The following CDYL variants were observed in gnomAD, a reference collection of about 807,000 sequenced individuals.
CDYL encodes chromodomain Y like, also known as chromodomain Y-like protein.
Under a neutral mutation model 47.3 loss-of-function variants are expected in CDYL, and 8 were observed. That is an observed-to-expected ratio of 0.17 (90% confidence interval 0.10 to 0.31). The LOEUF (loss-of-function observed/expected upper bound fraction) is 0.31. CDYL is among the 10% of genes least tolerant of loss of function. The probability of loss-of-function intolerance (pLI) is 1.00; values close to 1 mark genes in which losing one functional copy is unlikely to be tolerated. For synonymous variants in CDYL, 266 were observed against 265.0 expected, an observed-to-expected ratio of 1.00 and a Z score of -0.04; for missense variants, 471 against 701.4, an observed-to-expected ratio of 0.67 and a Z score of 3.71.
At chr6:4,822,523 A>G (rs968898493) in intron 1 of CDYL, among the ~76,000 whole-genome samples, 2 of 152,092 alleles carry the variant, frequency 1.3e-5, no homozygotes, top group African/African-American at 4.8e-5. Flanking sequence ...CTATTTTACC[A>G]TTTTCTTTAT....
At chr6:4,712,842 C>T (rs956525961) in intron 1 of CDYL, among the ~76,000 whole-genome samples, 1 of 152,198 alleles carries the variant, frequency 6.6e-6, no homozygotes, top group African/African-American at 2.4e-5. Flanking sequence ...CTTCACTCTG[C>T]CATTTACCAA....
chr6:4,803,350 C>G (rs2127440376), intron 1 of CDYL, among the ~76,000 whole-genome samples: 1 of 152,302 alleles, frequency 6.6e-6, no homozygotes, highest in Non-Finnish European at 1.5e-5. Flanking sequence ...TCATCCCTTT[C>G]CAGTCACTTA....
At chr6:4,802,252 A>G (rs960266033) in intron 1 of CDYL, among the ~76,000 whole-genome samples, 15 of 150,534 alleles carry the variant, frequency 1.0e-4, no homozygotes, top group Non-Finnish European at 1.9e-4. Context: ...AAAAATCACT[A>G]ATTAGCTTGG....
intron 3 of CDYL, among the ~76,000 whole-genome samples, chr6:4,758,035 A>G (rs1758102850): frequency 6.6e-6 from 1 of 152,088 alleles, no homozygotes; most frequent in African/African-American, 2.4e-5. Context: ...AACAAAATTA[A>G]CTTTTATTAA....
intron 1 of CDYL, among the ~76,000 whole-genome samples, chr6:4,793,970 G>A (rs946399904): frequency 6.6e-6 from 1 of 152,080 alleles, no homozygotes; most frequent in Non-Finnish European, 1.5e-5. Flanking sequence ...TAGATGTGTC[G>A]AGTTTGAGAT....
At chr6:4,714,932 T>A (rs1191498636) in intron 1 of CDYL, 1 of 152,138 alleles carries the variant, frequency 6.6e-6, no homozygotes, top group Non-Finnish European at 1.5e-5. Flanking sequence ...GTTATAATAG[T>A]TTTAAATTTA....
intron 1 of CDYL, among the ~76,000 whole-genome samples, chr6:4,835,371 G>A (rs1294985129): frequency 2.0e-5 from 3 of 152,200 alleles, no homozygotes; most frequent in Non-Finnish European, 2.9e-5. Flanking sequence ...CAGCAGTGGT[G>A]TCTGCAGAAC....
intron 3 of CDYL, among the ~76,000 whole-genome samples, chr6:4,761,429 C>T (rs1347817387): frequency 6.6e-6 from 1 of 152,182 alleles, no homozygotes; most frequent in African/African-American, 2.4e-5. Context: ...CTGCAAACTC[C>T]ACCTCCCGGG....
At chr6:4,875,848 A>G (rs1013042750) in intron 1 of CDYL, among the ~76,000 whole-genome samples, 2 of 152,208 alleles carry the variant, frequency 1.3e-5, no homozygotes, top group Admixed American at 6.5e-5. Context: ...CCATCAGTCC[A>G]TCTTATTTTT....
At chr6:4,950,760 C>T (rs899666395) in intron 5 of CDYL, among the ~76,000 whole-genome samples, 1 of 151,926 alleles carries the variant, frequency 6.6e-6, no homozygotes, top group African/African-American at 2.4e-5. Context: ...AACCCCGTCT[C>T]TACCAAAAAA....
At chr6:4,711,579 T>C (rs183981265) in intron 1 of CDYL, among the ~76,000 whole-genome samples, 10 of 152,284 alleles carry the variant, frequency 6.6e-5, no homozygotes, top group African/African-American at 2.2e-4. Flanking sequence ...GGGGTTTTTT[T>C]CTGAAAGTCC....
intron 1 of CDYL, among the ~76,000 whole-genome samples, chr6:4,777,773 C>T (rs1258212984): frequency 6.6e-6 from 1 of 152,184 alleles, no homozygotes; most frequent in African/African-American, 2.4e-5. Flanking sequence ...TTTCAGTTGT[C>T]TTCTCTTATG....
chr6:4,891,916 C>T lies in CDYL; in HGVS notation c.228C>T (p.Pro76=). Residue 76 remains proline, a synonymous_variant, in exon 2 of 7, where the codon CCC becomes CCT. Coordinates refer to ENST00000397588, the MANE Select transcript of CDYL (RefSeq NM_004824.4). The part of the protein sequence containing the change: ...STLTRTNRTS[P]NNARKQISRS... Reference sequence around the variant, plus strand: ...TGACCAGAACAAACAGGACCTCTCCCAACAATGCTAGGAAACAAATCTCCA... The same window carrying T: ...TGACCAGAACAAACAGGACCTCTCCTAACAATGCTAGGAAACAAATCTCCA... 1.2e-6 allele frequency: 2 copies of T among 1,614,104 alleles called. No homozygotes were observed. The highest frequency in any genetic ancestry group is 1.1e-5 in the South Asian group (1 of 91,062).
chr6:4,907,040 C>T (rs1486637298), intron 2 of CDYL, among the ~76,000 whole-genome samples: 1 of 152,188 alleles, frequency 6.6e-6, no homozygotes, highest in Non-Finnish European at 1.5e-5. Context: ...ACTGGGTTTT[C>T]TTGATTATAG....
chr6:4,770,073 G>A (rs1037924468), intron 3 of CDYL, among the ~76,000 whole-genome samples: 1 of 151,732 alleles, frequency 6.6e-6, no homozygotes, highest in African/African-American at 2.4e-5. Context: ...TCTTGACCTC[G>A]TGATCCACCA....
At chr6:4,856,855 C>T (rs1226511446) in intron 1 of CDYL, among the ~76,000 whole-genome samples, 1 of 152,154 alleles carries the variant, frequency 6.6e-6, no homozygotes, top group Non-Finnish European at 1.5e-5. Context: ...ACAATTTTTG[C>T]ACATTTCCTC....
chr6:4,756,756 CT>C (rs1758081723), intron 3 of CDYL, among the ~76,000 whole-genome samples: 1 of 152,068 alleles, frequency 6.6e-6, no homozygotes, highest in African/African-American at 2.4e-5. Flanking sequence ...AAGCAAATTA[CT>C]TTGATAGAGG....
At chr6:4,796,159 G>T (rs113482548) in intron 1 of CDYL, among the ~76,000 whole-genome samples, 4 of 151,992 alleles carry the variant, frequency 2.6e-5, no homozygotes, top group Non-Finnish European at 5.9e-5. Context: ...TCTCGAACTC[G>T]TGACCTCATG....
At chr6:4,942,348 G>A (rs17356900) in intron 4 of CDYL, among the ~76,000 whole-genome samples, 15,420 of 152,124 alleles carry the variant, frequency 0.1, 967 homozygotes, top group South Asian at 0.16. Context: ...TGAGTCATCC[G>A]TCAGTGTCTC....
Sources: allele counts gnomAD v4.1 joint callset (sites outside exome capture counted in the v4.1 genomes callset), GRCh38; gene constraint gnomAD v4.1.1; transcripts MANE v1.5; gene names NCBI Gene and HGNC (gene_info 2026-07-23, HGNC 2026-07-21).